The following PIP5K1B variants were observed in gnomAD, a reference collection of about 807,000 sequenced individuals.
The protein encoded by PIP5K1B is phosphatidylinositol 4-phosphate 5-kinase type-1 beta.
PIP5K1B carries 42 observed loss-of-function variants against 67.0 expected under a neutral mutation model. The ratio of observed to expected loss-of-function variants is 0.63; its 90% CI spans 0.49 to 0.81. The LOEUF (loss-of-function observed/expected upper bound fraction) is 0.81, where lower values mean the gene tolerates loss of function less well. PIP5K1B is among the 30% of genes least tolerant of loss of function. The probability of loss-of-function intolerance (pLI) is 0.00; values close to 1 mark genes in which losing one functional copy is unlikely to be tolerated. For synonymous variants in PIP5K1B, 214 were observed against 231.4 expected, an observed-to-expected ratio of 0.92 and a Z score of 0.68; for missense variants, 459 against 646.3, an observed-to-expected ratio of 0.71 and a Z score of 3.14.
chr9:68,936,884 G>C (rs1453958592), intron 13 of PIP5K1B, among the ~76,000 whole-genome samples: 1 of 152,116 alleles, frequency 6.6e-6, no homozygotes, highest in Non-Finnish European at 1.5e-5. Flanking sequence ...TGGGAAATAG[G>C]ATAAACTTAT....
chr9:68,821,275 G>T (rs1363940740), intron 3 of PIP5K1B, among the ~76,000 whole-genome samples: 3 of 152,132 alleles, frequency 2.0e-5, no homozygotes, highest in Admixed American at 2.0e-4. Flanking sequence ...CAAAAAGGCA[G>T]ATACTAACAC....
chr9:68,781,129 T>G, intron 2 of PIP5K1B: 1 of 1,448,070 alleles, frequency 6.9e-7, no homozygotes, highest in Non-Finnish European at 9.3e-7. Flanking sequence ...ATTTCCTATT[T>G]GACCCCTTTT....
Position 68,917,750 on chromosome 9 carries a change from AC to A in PIP5K1B, c.977del (p.Pro326GlnfsTer32), listed in dbSNP as rs746982355. 1.2e-6 allele frequency: 2 copies of A among 1,613,354 alleles called. No homozygotes were observed. The highest frequency in any genetic ancestry group is 2.2e-5 in the South Asian group (2 of 91,064). ...GKSGDGIITE[N>X]PDTMGGIPAK... ...TCTGGAGATGGGATAATCACAGAGA[AC>A]CCAGACACGTAAGTGCAGCCACACA... On this transcript the variant is annotated frameshift_variant, in exon 9 of 16. Transcript: ENST00000265382. LOFTEE classifies it high-confidence loss of function.
intron 6 of PIP5K1B, among the ~76,000 whole-genome samples, chr9:68,884,879 C>A (rs1260968569): frequency 6.6e-6 from 1 of 152,096 alleles, no homozygotes; most frequent in Admixed American, 6.6e-5. Flanking sequence ...ATTCATACAA[C>A]CATTTTGGAA....
In PIP5K1B at chr9:68,922,691, G is replaced by A. The variant is rs1826471836; in HGVS notation, c.1117-611G>A. 3.3e-5 allele frequency among the ~76,000 whole-genome samples: 5 copies of A among 152,088 alleles called. 1 individual carries two copies. The highest frequency in any genetic ancestry group is 3.3e-4 in the Admixed American group (5 of 15,272). Reference sequence around the variant, plus strand: ...CTTCAGCCCTAAAGACTCCTGCCAAGCATGAGAGAAGAATGGAGTTAACAG... The same window carrying A: ...CTTCAGCCCTAAAGACTCCTGCCAAACATGAGAGAAGAATGGAGTTAACAG... On this transcript the variant is annotated intron_variant, in intron 11 of 15. Coordinates refer to ENST00000265382, the MANE Select transcript of PIP5K1B (RefSeq NM_003558.4).
At chr9:68,957,037 G>A (rs764191147) in intron 14 of PIP5K1B, among the ~76,000 whole-genome samples, 15 of 152,144 alleles carry the variant, frequency 9.9e-5, no homozygotes, top group Admixed American at 3.9e-4. Flanking sequence ...TAAAGTCCAG[G>A]TATATGCAGT....
In PIP5K1B at chr9:68,888,967, A is replaced by G. The variant is rs752826553; in HGVS notation, c.319-14A>G. On this transcript the variant is annotated splice_polypyrimidine_tract_variant and intron_variant, in intron 6 of 15. Transcript: ENST00000265382. ...CAAGTATATGTTTTAATGTTTATTCATTTACCCTTTTAGTATTCCATCTGC... is the reference window on the plus strand; with the variant it reads ...CAAGTATATGTTTTAATGTTTATTCGTTTACCCTTTTAGTATTCCATCTGC... The G allele has an allele frequency of 1.3e-6, 2 of 1,581,072 alleles. No individual in the cohort carries two copies. Among genetic ancestry groups the G allele is most frequent in the Non-Finnish European group, 1.7e-6 (2 of 1,150,742 alleles).
chr9:68,718,544 C>G (rs1250760367), intron 1 of PIP5K1B, among the ~76,000 whole-genome samples: 2 of 152,152 alleles, frequency 1.3e-5, no homozygotes, highest in African/African-American at 4.8e-5. Flanking sequence ...ATAGGGAACC[C>G]TTGGCTATGC....
chr9:68,755,639 C>G (rs2132369096), intron 2 of PIP5K1B, among the ~76,000 whole-genome samples: 1 of 152,276 alleles, frequency 6.6e-6, no homozygotes, highest in South Asian at 2.1e-4. Flanking sequence ...ACACTACATA[C>G]TGGTTTGTAT....
intron 2 of PIP5K1B, among the ~76,000 whole-genome samples, chr9:68,777,509 A>G (rs574336119): frequency 7.7e-4 from 117 of 152,304 alleles, no homozygotes; most frequent in African/African-American, 2.8e-3. Context: ...AAGCCTCTCC[A>G]TCAGTATTAA....
intron 1 of PIP5K1B, among the ~76,000 whole-genome samples, chr9:68,715,734 C>T (rs987278633): frequency 6.6e-6 from 1 of 152,136 alleles, no homozygotes; most frequent in Non-Finnish European, 1.5e-5. Context: ...TAAAAAAATC[C>T]TTTTCGTAAA....
intron 2 of PIP5K1B, among the ~76,000 whole-genome samples, chr9:68,792,677 C>T (rs868623391): frequency 4.6e-5 from 7 of 152,094 alleles, no homozygotes; most frequent in East Asian, 3.8e-4. Context: ...GACAGGGTTT[C>T]GCTGCATTAG....
At chr9:69,000,705 A>G (rs1830786198) in intron 15 of PIP5K1B, among the ~76,000 whole-genome samples, 2 of 152,146 alleles carry the variant, frequency 1.3e-5, no homozygotes, top group Non-Finnish European at 2.9e-5. Context: ...GCCTCGTTTT[A>G]ATCTGATTAC....
chr9:68,966,444 T>C (rs905836468), intron 14 of PIP5K1B: 2 of 152,248 alleles, frequency 1.3e-5, no homozygotes, highest in Non-Finnish European at 2.9e-5. Context: ...CTTGACTTAA[T>C]ATGGTACTTG....
In PIP5K1B at chr9:68,853,278, G is replaced by A. The variant is rs56907154; in HGVS notation, c.70-10559G>A. On this transcript the variant is annotated intron_variant, in intron 4 of 15. Coordinates refer to ENST00000265382, the MANE Select transcript of PIP5K1B (RefSeq NM_003558.4). The stretch of plus-strand genomic sequence containing the variant: ...CCAAGTTCAGGTGCCAGCCTGCCAT[G>A]TAGAACTTGGGGAAGGAGGTGGTCT... Among the ~76,000 whole-genome samples the A allele has an allele frequency of 1.1e-3, 172 of 152,312 alleles. 7 individuals carry two copies. In the East Asian group the frequency reaches 0.031, roughly 27 times the overall value.
At chr9:68,859,535 C>T (rs1306846819) in intron 4 of PIP5K1B, among the ~76,000 whole-genome samples, 1 of 152,180 alleles carries the variant, frequency 6.6e-6, no homozygotes, top group Non-Finnish European at 1.5e-5. Flanking sequence ...CCTTGGCACT[C>T]AAAGGGGCAG....
chr9:68,746,440 C>T (rs1829314472), intron 2 of PIP5K1B, among the ~76,000 whole-genome samples: 1 of 152,082 alleles, frequency 6.6e-6, no homozygotes, highest in Middle Eastern at 3.2e-3. Flanking sequence ...TTTTTCTGTT[C>T]ATCATCATCT....
Position 68,856,069 on chromosome 9 carries a change from T to C in PIP5K1B, c.70-7768T>C, listed in dbSNP as rs578221148. Among the ~76,000 whole-genome samples, 132 of 152,092 alleles carry C rather than the reference T, an allele frequency of 8.7e-4. 1 individual carries two copies. The highest frequency in any genetic ancestry group is 3.4e-3 in the Middle Eastern group (1 of 290). The stretch of plus-strand genomic sequence containing the variant: ...GGGAATCAATTCCTGCTACGCTAAG[T>C]AGCAGCCAGAGTGAACCTTTTCAAA... On this transcript the variant is annotated intron_variant, in intron 4 of 15. Coordinates refer to ENST00000265382, the MANE Select transcript of PIP5K1B (RefSeq NM_003558.4).
chr9:68,981,919 A>C (rs1360658990), intron 14 of PIP5K1B, among the ~76,000 whole-genome samples: 1 of 152,150 alleles, frequency 6.6e-6, no homozygotes, highest in East Asian at 1.9e-4. Flanking sequence ...ACCTGTGAGA[A>C]GTTTATGACT....
Sources: allele counts gnomAD v4.1 joint callset (sites outside exome capture counted in the v4.1 genomes callset), GRCh38; gene constraint gnomAD v4.1.1; transcripts MANE v1.5; gene names NCBI Gene and HGNC (gene_info 2026-07-23, HGNC 2026-07-21).